The following ZNF148 variants were observed in gnomAD, a reference collection of about 807,000 sequenced individuals.
The protein encoded by ZNF148 is Beta-Enolase Repressor Factor-1.
Under a neutral mutation model 67.7 loss-of-function variants are expected in ZNF148, and 7 were observed. The observed-to-expected ratio is 0.10, with a 90% confidence interval of 0.06 to 0.19. The LOEUF is 0.19. Ranked by LOEUF, ZNF148 falls within the 10% of genes least tolerant of loss-of-function variation. The probability of loss-of-function intolerance (pLI) is 1.00; values close to 1 mark genes in which losing one functional copy is unlikely to be tolerated. For missense variants in ZNF148, 583 were observed against 947.1 expected (o/e 0.62, Z 5.05); for synonymous variants, 333 against 330.7 (o/e 1.01, Z -0.08).
At chr3:125,295,282 G>A (rs573687245) in intron 4 of ZNF148, among the ~76,000 whole-genome samples, 29 of 152,060 alleles carry the variant, frequency 1.9e-4, no homozygotes, top group African/African-American at 4.3e-4. Context: ...GTGAAACCCC[G>A]TCTCTACTAA....
Position 125,323,685 on chromosome 3 carries a change from TCGCAGTTGCTCA to T in ZNF148, c.-152-253_-152-242del, listed in dbSNP as rs1940886958. 2.0e-5 allele frequency among the ~76,000 whole-genome samples: 3 copies of T among 152,066 alleles called. No individual in the cohort carries two copies. The South Asian group carries it at 6.2e-4, about 32-fold the overall frequency. On this transcript the variant is annotated intron_variant, in intron 2 of 8. Transcript: ENST00000360647. The stretch of plus-strand genomic sequence containing the variant: ...CTTATAAAGAACAATTGCCGGCCAG[TCGCAGTTGCTCA>T]CGCCTGTAATCCCAGCACTTTGGGA...
intron 1 of ZNF148, among the ~76,000 whole-genome samples, chr3:125,332,538 T>C (rs1051249094): frequency 5.9e-5 from 9 of 152,214 alleles, no homozygotes; most frequent in African/African-American, 1.9e-4. Context: ...AACAAACTGC[T>C]ACCTAATTTA....
intron 7 of ZNF148, among the ~76,000 whole-genome samples, chr3:125,238,321 A>G (rs1936187205): frequency 6.6e-6 from 1 of 152,164 alleles, no homozygotes; most frequent in Non-Finnish European, 1.5e-5. Context: ...GCTTCAAAGG[A>G]CACTATCAAA....
chr3:125,372,233 A>G (rs570790980), intron 1 of ZNF148, among the ~76,000 whole-genome samples: 1 of 152,274 alleles, frequency 6.6e-6, no homozygotes, highest in South Asian at 2.1e-4. Flanking sequence ...TTATCATCTC[A>G]TCCAGCATTT....
chr3:125,245,545 A>C (rs896323477), intron 7 of ZNF148, among the ~76,000 whole-genome samples: 1 of 152,218 alleles, frequency 6.6e-6, no homozygotes, highest in African/African-American at 2.4e-5. Context: ...TTCAACTTAC[A>C]GCTTATGCCA....
At chr3:125,299,962 G>T (rs1336321078) in intron 4 of ZNF148, among the ~76,000 whole-genome samples, 1 of 152,126 alleles carries the variant, frequency 6.6e-6, no homozygotes, top group Non-Finnish European at 1.5e-5. Flanking sequence ...AAAAGGATTT[G>T]AATGTTTGTT....
At chr3:125,244,502 T>G (rs1343497002) in intron 7 of ZNF148, among the ~76,000 whole-genome samples, 7 of 146,888 alleles carry the variant, frequency 4.8e-5, no homozygotes, top group Non-Finnish European at 9.1e-5. Context: ...ATCTTTTTTG[T>G]TTTTTTTTTT....
chr3:125,287,820 G>C (rs1045170416), intron 5 of ZNF148, among the ~76,000 whole-genome samples: 1 of 152,026 alleles, frequency 6.6e-6, no homozygotes, highest in Admixed American at 6.6e-5. Context: ...TTAATATAAA[G>C]ATAAGGAAAA....
chr3:125,302,231 AG>A (rs1490463182), intron 4 of ZNF148, among the ~76,000 whole-genome samples: 1 of 151,944 alleles, frequency 6.6e-6, no homozygotes, highest in Non-Finnish European at 1.5e-5. Context: ...TGTGAACATT[AG>A]CCAGGCAAGG....
intron 1 of ZNF148, among the ~76,000 whole-genome samples, chr3:125,335,752 T>A (rs1257976801): frequency 6.6e-6 from 1 of 152,236 alleles, no homozygotes; most frequent in African/African-American, 2.4e-5. Context: ...TCACATTTCA[T>A]GTTTTCAAAT....
At chr3:125,353,541 CT>C (rs1942232424) in intron 1 of ZNF148, among the ~76,000 whole-genome samples, 1 of 152,000 alleles carries the variant, frequency 6.6e-6, no homozygotes, top group Non-Finnish European at 1.5e-5. Flanking sequence ...ATTAAGATGT[CT>C]GGGTGAAGGG....
intron 1 of ZNF148, among the ~76,000 whole-genome samples, chr3:125,353,444 G>A (rs532899218): frequency 6.6e-6 from 1 of 152,126 alleles, no homozygotes; most frequent in Non-Finnish European, 1.5e-5. Context: ...GGTTTAAAAA[G>A]CAGTGAAAAT....
At chr3:125,240,054 T>C (rs1936278109) in intron 7 of ZNF148, among the ~76,000 whole-genome samples, 1 of 152,250 alleles carries the variant, frequency 6.6e-6, no homozygotes, top group South Asian at 2.1e-4. Flanking sequence ...TAATGAATTA[T>C]ACATTTTAAA....
chr3:125,366,734 A>G (rs1358145682), intron 1 of ZNF148, among the ~76,000 whole-genome samples: 1 of 152,076 alleles, frequency 6.6e-6, no homozygotes, highest in Admixed American at 6.6e-5. Context: ...ACCATTCCCC[A>G]CATCTCCTGG....
At chr3:125,310,580 G>A (rs536111080) in intron 4 of ZNF148, among the ~76,000 whole-genome samples, 2 of 151,668 alleles carry the variant, frequency 1.3e-5, no homozygotes, top group East Asian at 3.9e-4. Context: ...AATTAAATCC[G>A]AAACAAGCAG....
chr3:125,337,082 T>C (rs1438340189), intron 1 of ZNF148, among the ~76,000 whole-genome samples: 1 of 150,864 alleles, frequency 6.6e-6, no homozygotes, highest in African/African-American at 2.4e-5. Context: ...TTACTGCACT[T>C]AGCTGAGAAA....
At chr3:125,247,426 C>T (rs1293642762) in intron 7 of ZNF148, among the ~76,000 whole-genome samples, 1 of 151,942 alleles carries the variant, frequency 6.6e-6, no homozygotes, top group African/African-American at 2.4e-5. Flanking sequence ...GATGAAACAG[C>T]AAATGAGAGC....
At chr3:125,355,519 A>G (rs1579889468) in intron 1 of ZNF148, among the ~76,000 whole-genome samples, 1 of 152,200 alleles carries the variant, frequency 6.6e-6, no homozygotes, top group East Asian at 1.9e-4. Flanking sequence ...AGACAAGGGA[A>G]AAAGAAGAAG....
intron 7 of ZNF148, among the ~76,000 whole-genome samples, chr3:125,256,199 T>C: frequency 6.7e-6 from 1 of 150,010 alleles, no homozygotes; most frequent in East Asian, 2.0e-4. Flanking sequence ...CTGTCTCTAC[T>C]GAAAATACAG....
Sources: gnomAD v4.1 joint callset for allele counts (sites outside exome capture counted in the v4.1 genomes callset) on GRCh38, gnomAD v4.1.1 for gene constraint, MANE v1.5 for transcripts, NCBI Gene and HGNC (gene_info 2026-07-23, HGNC 2026-07-21) for gene names.